The following CSMD1 variants were observed in gnomAD, a reference collection of about 807,000 sequenced individuals.
CSMD1 encodes CUB and Sushi multiple domains 1, also known as CUB and sushi domain-containing protein 1.
A neutral mutation model predicts 417.5 loss-of-function variants in CSMD1; 213 were observed. That is an observed-to-expected ratio of 0.51 (90% confidence interval 0.46 to 0.57). The LOEUF is 0.57. Ranked by LOEUF, CSMD1 falls within the 20% of genes least tolerant of loss-of-function variation. The pLI is 0.00. For missense variants in CSMD1, 6,923 were observed against 4,529.7 expected (o/e 1.53, Z -15.17); for synonymous variants, 2,862 against 1,736.8 (o/e 1.65, Z -16.11).
intron 3 of CSMD1, among the ~76,000 whole-genome samples, chr8:4,167,964 C>T (rs959594432): frequency 2.6e-5 from 4 of 151,878 alleles, no homozygotes; most frequent in Non-Finnish European, 5.9e-5. Context: ...CCTATCTCTA[C>T]TAAAAATACA....
At chr8:4,138,267 C>G (rs141782904) in intron 3 of CSMD1, among the ~76,000 whole-genome samples, 3 of 146,394 alleles carry the variant, frequency 2.0e-5, no homozygotes, top group African/African-American at 5.1e-5. Flanking sequence ...CCTGGCTATG[C>G]CATAAACTAA....
At chr8:4,128,586 C>T (rs1802904107) in intron 3 of CSMD1, among the ~76,000 whole-genome samples, 1 of 152,128 alleles carries the variant, frequency 6.6e-6, no homozygotes, top group Admixed American at 6.5e-5. Context: ...ATCTCCAAAC[C>T]TTCAAAGACC....
chr8:4,841,209 A>T (rs886305459), intron 1 of CSMD1, among the ~76,000 whole-genome samples: 5 of 152,250 alleles, frequency 3.3e-5, no homozygotes, highest in Admixed American at 2.6e-4. Flanking sequence ...CATTATGTTG[A>T]TATATCTAGA....
chr8:4,806,180 G>C (rs1399547327), intron 1 of CSMD1, among the ~76,000 whole-genome samples: 2 of 152,138 alleles, frequency 1.3e-5, no homozygotes, highest in African/African-American at 2.4e-5. Context: ...GAAGCACCCA[G>C]ACAGCCACAC....
chr8:3,809,352 CTTGT>C (rs960951530), intron 5 of CSMD1, among the ~76,000 whole-genome samples: 11 of 152,162 alleles, frequency 7.2e-5, no homozygotes, highest in African/African-American at 2.7e-4. Context: ...TGTTTACGCA[CTTGT>C]TTATCACTGT....
At chr8:3,785,928 C>T (rs946529776) in intron 5 of CSMD1, among the ~76,000 whole-genome samples, 18 of 152,066 alleles carry the variant, frequency 1.2e-4, no homozygotes, top group Admixed American at 3.3e-4. Context: ...TTCTTGGAGC[C>T]GAGGAAATGG....
chr8:4,046,081 C>T (rs919038439), intron 3 of CSMD1, among the ~76,000 whole-genome samples: 2 of 152,026 alleles, frequency 1.3e-5, no homozygotes, highest in African/African-American at 4.8e-5. Flanking sequence ...TTTATATACA[C>T]ACATTATATA....
chr8:3,665,910 C>A (rs1798667838), intron 7 of CSMD1, among the ~76,000 whole-genome samples: 2 of 152,092 alleles, frequency 1.3e-5, no homozygotes, highest in South Asian at 4.1e-4. Context: ...TGGAGTCGCA[C>A]TCTGTCACCC....
At chr8:4,759,951 G>C (rs1811935652) in intron 1 of CSMD1, among the ~76,000 whole-genome samples, 1 of 152,136 alleles carries the variant, frequency 6.6e-6, no homozygotes, top group South Asian at 2.1e-4. Flanking sequence ...CTAGGTCAAA[G>C]GGTATTTCTG....
chr8:4,190,785 C>T (rs1194183462), intron 3 of CSMD1, among the ~76,000 whole-genome samples: 2 of 152,068 alleles, frequency 1.3e-5, no homozygotes, highest in Admixed American at 1.3e-4. Context: ...AAAATGAGAG[C>T]ATGTCCTCTG....
At chr8:3,450,510 G>C (rs1815632142) in intron 12 of CSMD1, among the ~76,000 whole-genome samples, 2 of 148,634 alleles carry the variant, frequency 1.3e-5, no homozygotes, top group African/African-American at 2.5e-5. Flanking sequence ...CCCTTCCTGT[G>C]TCCATGTGTT....
chr8:3,943,668 GT>G (rs1158216824), intron 5 of CSMD1, among the ~76,000 whole-genome samples: 5 of 151,998 alleles, frequency 3.3e-5, no homozygotes, highest in African/African-American at 9.7e-5. Flanking sequence ...GTCAACAGGG[GT>G]CCCCTGCTAT....
chr8:3,631,003 C>T (rs1796756844), intron 7 of CSMD1, among the ~76,000 whole-genome samples: 1 of 152,168 alleles, frequency 6.6e-6, no homozygotes, highest in South Asian at 2.1e-4. Flanking sequence ...TGGGACTCAG[C>T]ACCATGTTGA....
chr8:4,724,028 A>G (rs1454190232), intron 1 of CSMD1, among the ~76,000 whole-genome samples: 14 of 152,242 alleles, frequency 9.2e-5, no homozygotes, highest in Non-Finnish European at 2.1e-4. Flanking sequence ...ACCATTAAAT[A>G]TCAATCACTG....
intron 7 of CSMD1, among the ~76,000 whole-genome samples, chr8:3,654,689 G>A (rs187870052): frequency 1.3e-5 from 2 of 152,162 alleles, no homozygotes; most frequent in Non-Finnish European, 2.9e-5. Context: ...GCTGAGATTC[G>A]GGTCAGAGCC....
At chr8:4,043,415 G>A (rs959647661) in intron 3 of CSMD1, among the ~76,000 whole-genome samples, 1 of 152,152 alleles carries the variant, frequency 6.6e-6, no homozygotes, top group Non-Finnish European at 1.5e-5. Flanking sequence ...TAAATGACAT[G>A]AACCTCACAC....
rs762511500 is a variant in CSMD1 at position 2,949,427 on chromosome 8, A to G, written c.10315-41T>C. The G allele has an allele frequency of 4.5e-6, 5 of 1,101,172 alleles. No homozygotes were observed. In the Admixed American group the frequency reaches 6.0e-5, roughly 13 times the overall value. The allele number at this position is 1,101,172 out of a possible 1,614,324, so 68.2% of individuals were successfully genotyped here. On this transcript the variant is annotated intron_variant, in intron 67 of 69. Transcript: ENST00000635120. ...GAAAAGAAAAGAAATAAAAAGGTAT[A>G]CGAAGGGATGAATAATATCCTCTTT...
At position 3,618,282 on chromosome 8, in the gene CSMD1, G is replaced by C. The variant is rs556312542; in HGVS notation, c.1010-1485C>G. On this transcript the variant is annotated intron_variant, in intron 7 of 69. Coordinates refer to ENST00000635120, the MANE Select transcript of CSMD1 (RefSeq NM_033225.6). ...GGCCTCCTAAAGTGTTGGGGTTACA[G>C]ACATGTGCAACCACACCCAGTCAAA... is the stretch of plus-strand genomic sequence containing the variant. Among the ~76,000 whole-genome samples, 22 of 152,242 alleles carry C rather than the reference G, an allele frequency of 1.4e-4. No individual in the cohort carries two copies. The East Asian group carries it at 4.1e-3, about 28-fold the overall frequency.
intron 1 of CSMD1, among the ~76,000 whole-genome samples, chr8:4,913,036 G>A (rs1380405218): frequency 2.6e-5 from 4 of 152,082 alleles, no homozygotes; most frequent in Admixed American, 6.6e-5. Context: ...TGATCCACCT[G>A]CCTCGGCCTC....
Sources: gnomAD v4.1 joint callset for allele counts (sites outside exome capture counted in the v4.1 genomes callset) on GRCh38, gnomAD v4.1.1 for gene constraint, MANE v1.5 for transcripts, NCBI Gene and HGNC (gene_info 2026-07-23, HGNC 2026-07-21) for gene names.